CACNA1C: variants seen among roughly 807,000 people sequenced by gnomAD.
The protein encoded by CACNA1C is voltage-dependent L-type calcium channel subunit alpha-1C.
Under a neutral mutation model 229.0 loss-of-function variants are expected in CACNA1C, and 30 were observed. The observed-to-expected ratio is 0.13, with a 90% CI of 0.10 to 0.18. CACNA1C has a LOEUF of 0.18. Among genes scored for constraint, CACNA1C ranks in the 10% least tolerant of loss-of-function variants. CACNA1C has a pLI of 1.00. For synonymous variants in CACNA1C, 1,114 were observed against 1,132.5 expected, an observed-to-expected ratio of 0.98 and a Z score of 0.33; for missense variants, 1,658 against 2,845.0, an observed-to-expected ratio of 0.58 and a Z score of 9.49.
chr12:1,991,302 T>C (rs1593210145), intron 1 of CACNA1C: 1 of 442,090 alleles, frequency 2.3e-6, no homozygotes, highest in East Asian at 7.0e-5. Context: ...TTAAACATGG[T>C]AAAATAAATG....
intron 1 of CACNA1C, among the ~76,000 whole-genome samples, chr12:2,056,511 A>T (rs1373902356): frequency 6.6e-6 from 1 of 152,032 alleles, no homozygotes; most frequent in Non-Finnish European, 1.5e-5. Context: ...GACAAGGCAG[A>T]GGGGAGAAAC....
intron 3 of CACNA1C, among the ~76,000 whole-genome samples, chr12:2,435,894 A>G (rs2099129963): frequency 6.6e-6 from 1 of 152,216 alleles, no homozygotes; most frequent in Non-Finnish European, 1.5e-5. Flanking sequence ...ATGTACCAAC[A>G]TCCCAAACGA....
chr12:2,042,166 C>T (rs1283286438), intron 1 of CACNA1C, among the ~76,000 whole-genome samples: 1 of 152,112 alleles, frequency 6.6e-6, no homozygotes, highest in African/African-American at 2.4e-5. Context: ...AAAGATTTTT[C>T]ATCATTTCTT....
At chr12:2,121,429 C>CA (rs917398075) in intron 3 of CACNA1C, among the ~76,000 whole-genome samples, 6 of 150,582 alleles carry the variant, frequency 4.0e-5, no homozygotes, top group South Asian at 2.1e-4. Flanking sequence ...GCCCTTTCAG[C>CA]AAAAAAAAAT....
intron 1 of CACNA1C, among the ~76,000 whole-genome samples, chr12:2,042,687 C>G (rs1033589279): frequency 6.6e-6 from 1 of 152,086 alleles, no homozygotes; most frequent in African/African-American, 2.4e-5. Flanking sequence ...TAAGGATGCC[C>G]CTTTGAGAGA....
intron 3 of CACNA1C, among the ~76,000 whole-genome samples, chr12:2,335,211 G>T (rs987518205): frequency 1.3e-5 from 2 of 152,138 alleles, no homozygotes; most frequent in African/African-American, 4.8e-5. Flanking sequence ...CTTGGCTGCT[G>T]GCGATTTTAG....
chr12:2,240,750 A>C (rs1291463433), intron 3 of CACNA1C, among the ~76,000 whole-genome samples: 2 of 141,774 alleles, frequency 1.4e-5, no homozygotes, highest in East Asian at 4.8e-4. Context: ...TTAGGTGGGC[A>C]CGCGTGGCCT....
intron 3 of CACNA1C, among the ~76,000 whole-genome samples, chr12:2,268,172 C>T (rs1038485268): frequency 1.3e-5 from 2 of 152,064 alleles, no homozygotes; most frequent in Admixed American, 1.3e-4. Flanking sequence ...CAGGTGGTTT[C>T]TGAAAGAGGG....
chr12:2,633,563 T>G lies in CACNA1C; in HGVS notation c.3829-734T>G, dbSNP rs1013952483. 2.8e-5 allele frequency: 26 copies of G among 920,568 alleles called. No individual in the cohort carries two copies. Among genetic ancestry groups the G allele is most frequent in the East Asian group, 4.9e-5 (2 of 41,010 alleles). The allele number at this position is 920,568 out of a possible 1,614,324, so 57.0% of individuals were successfully genotyped here. A position where few individuals can be genotyped will look rare whatever the true frequency, so the allele number is the denominator to read the frequency against. ...CTGGACGATGATTCTGATGGTGGTG[T>G]TGCTCTGTTCTTGTCTGTCTAATAT... On this transcript the variant is annotated intron_variant, in intron 29 of 46. Coordinates refer to ENST00000399655, the MANE Select transcript of CACNA1C (RefSeq NM_000719.7). This position sits in a 1 kb window ranked among gnomAD's most constrained non-coding sequence, Gnocchi z 5.8.
At chr12:2,032,533 A>C (rs1477416243) in intron 1 of CACNA1C, among the ~76,000 whole-genome samples, 1 of 152,200 alleles carries the variant, frequency 6.6e-6, no homozygotes, top group African/African-American at 2.4e-5. Context: ...TGGAAACAGG[A>C]ATGTTATTAG....
chr12:2,155,206 A>C (rs546718890), intron 3 of CACNA1C, among the ~76,000 whole-genome samples: 1 of 152,172 alleles, frequency 6.6e-6, no homozygotes, highest in East Asian at 1.9e-4. Context: ...GTGAAGACAC[A>C]TTTTCTATGA....
At chr12:2,429,794 G>T (rs555635002) in intron 3 of CACNA1C, among the ~76,000 whole-genome samples, 1 of 152,120 alleles carries the variant, frequency 6.6e-6, no homozygotes, top group South Asian at 2.1e-4. Flanking sequence ...AACACCAGCC[G>T]TGCCCAGCTC....
At chr12:2,132,316 C>T (rs2092425992) in intron 3 of CACNA1C, among the ~76,000 whole-genome samples, 1 of 75,074 alleles carries the variant, frequency 1.3e-5, no homozygotes, top group African/African-American at 6.5e-5. Context: ...TGCCTAATTG[C>T]CCTGGCCAGA....
intron 3 of CACNA1C, among the ~76,000 whole-genome samples, chr12:2,151,065 C>G (rs1232048394): frequency 3.9e-5 from 6 of 152,158 alleles, no homozygotes; most frequent in Non-Finnish European, 7.3e-5. Flanking sequence ...GTCACAGCTT[C>G]CCTGAGTTCT....
At chr12:2,463,712 T>C (rs555174957) in intron 5 of CACNA1C, among the ~76,000 whole-genome samples, 1 of 152,304 alleles carries the variant, frequency 6.6e-6, no homozygotes, top group African/African-American at 2.4e-5. Context: ...ACTGTGAGGC[T>C]GCAAGGCTAA....
chr12:2,008,710 G>A (rs2043894968), intron 1 of CACNA1C, among the ~76,000 whole-genome samples: 1 of 152,122 alleles, frequency 6.6e-6, no homozygotes, highest in Non-Finnish European at 1.5e-5. Flanking sequence ...ACATGGAAAG[G>A]TTTTTGGTTT....
intron 3 of CACNA1C, among the ~76,000 whole-genome samples, chr12:2,336,803 AAC>A (rs1475734655): frequency 1.3e-5 from 2 of 152,096 alleles, no homozygotes; most frequent in African/African-American, 4.8e-5. Flanking sequence ...CTTCAGAATT[AAC>A]ACAACAGCCT....
Position 2,585,828 on chromosome 12 carries a change from T to C in CACNA1C, c.2461-7T>C. On this transcript the variant is annotated splice_polypyrimidine_tract_variant and splice_region_variant and intron_variant, in intron 17 of 46. Transcript: ENST00000399655. The surrounding 1 kb of genome is among the most constrained non-coding windows in gnomAD (Gnocchi z 4.1). ...ATTCTTCCCCCTTCTCCCCTGTGAC[T>C]GTCTAGATCAACATGGATGACCTCC... 6.2e-7 allele frequency: 1 copy of C among 1,603,018 alleles called. No homozygotes were observed. Among genetic ancestry groups the C allele is most frequent in the South Asian group, 1.1e-5 (1 of 89,178 alleles).
chr12:2,656,748 T>C (rs1407963455), intron 34 of CACNA1C, among the ~76,000 whole-genome samples: 1 of 152,096 alleles, frequency 6.6e-6, no homozygotes, highest in Admixed American at 6.5e-5. Flanking sequence ...GAGCAATGGC[T>C]CAGGAGAGAA....
Sources: gnomAD v4.1 joint callset for allele counts (sites outside exome capture counted in the v4.1 genomes callset) on GRCh38, gnomAD v4.1.1 for gene constraint, Gnocchi (gnomAD v3.1) non-coding constraint, MANE v1.5 for transcripts, NCBI Gene and HGNC (gene_info 2026-07-23, HGNC 2026-07-21) for gene names.